The following EYA2 variants were observed in gnomAD, a reference collection of about 807,000 sequenced individuals.
The protein encoded by EYA2 is EYA transcriptional coactivator and phosphatase 2.
In EYA2, 31 loss-of-function variants were observed where a neutral mutation model predicts 69.2. The ratio of observed to expected loss-of-function variants is 0.45; its 90% CI spans 0.34 to 0.60. The LOEUF is 0.60. Among genes scored for constraint, EYA2 ranks in the 20% least tolerant of loss-of-function variants. EYA2 has a pLI of 0.02. For synonymous variants in EYA2, 257 were observed against 279.4 expected (o/e 0.92, Z 0.80); for missense variants, 622 against 701.2 (o/e 0.89, Z 1.28).
chr20:46,969,248 C>A (rs566958205), intron 1 of EYA2, among the ~76,000 whole-genome samples: 1 of 151,608 alleles, frequency 6.6e-6, no homozygotes, highest in Non-Finnish European at 1.5e-5. Flanking sequence ...GTTTTTTTGA[C>A]ACTTAGTCAC....
Position 47,188,174 on chromosome 20 carries a change from C to G in EYA2, c.*41C>G. ...CTCCACCTGCCATCTCACCCTCAGA[C>G]CCCCTCGCCTTCCCCACCTCCCCAC... On this transcript the variant is annotated 3_prime_UTR_variant, in exon 16 of 16. Coordinates refer to ENST00000327619, the MANE Select transcript of EYA2 (RefSeq NM_005244.5). 1.3e-6 allele frequency: 2 copies of G among 1,532,322 alleles called. No individual in the cohort carries two copies. Among genetic ancestry groups the G allele is most frequent in the South Asian group, 2.4e-5 (2 of 83,848 alleles). The allele number at this position is 1,532,322 out of a possible 1,614,324, so 94.9% of individuals were successfully genotyped here.
At position 47,180,012 on chromosome 20, in the gene EYA2, A is replaced by G. The variant is rs1363013522; in HGVS notation, c.1313+100A>G. On this transcript the variant is annotated intron_variant, in intron 13 of 15. Transcript: ENST00000327619. ...ACACTTGGGAGAATTGGACTCCTCA[A>G]ACTCTCACTTGTACACTTTCCAAAT... 7 of 803,932 alleles carry G rather than the reference A, an allele frequency of 8.7e-6. No homozygotes were observed. In the African/African-American group the frequency reaches 1.2e-4, roughly 14 times the overall value. The allele number at this position is 803,932 out of a possible 1,614,324, so 49.8% of individuals were successfully genotyped here. A position where few individuals can be genotyped will look rare whatever the true frequency, so the allele number is the denominator to read the frequency against.
intron 5 of EYA2, among the ~76,000 whole-genome samples, chr20:47,017,737 C>G (rs1256959418): frequency 6.6e-6 from 1 of 152,184 alleles, no homozygotes. Flanking sequence ...TTCTCTCATA[C>G]AACCTTCATG....
intron 1 of EYA2, among the ~76,000 whole-genome samples, chr20:46,904,929 C>T (rs1984281762): frequency 6.6e-6 from 1 of 152,170 alleles, no homozygotes; most frequent in African/African-American, 2.4e-5. Context: ...AGACAGTCCT[C>T]CTACTGCATA....
intron 1 of EYA2, among the ~76,000 whole-genome samples, chr20:46,987,916 G>GACTCTCTCTCCCCCTCTC (rs56288405): frequency 4.9e-5 from 1 of 20,352 alleles, no homozygotes; most frequent in Non-Finnish European, 9.6e-5. Context: ...GACAGAGTAA[G>GACTCTCTCTCCCCCTCTC]TCTCTCTCTC....
chr20:46,927,783 A>C (rs1440164088), intron 1 of EYA2, among the ~76,000 whole-genome samples: 2 of 152,152 alleles, frequency 1.3e-5, no homozygotes, highest in Non-Finnish European at 2.9e-5. Context: ...CTGCCCTCTT[A>C]CTAAACGTGT....
chr20:47,186,940 C>A (rs570535037), intron 15 of EYA2, among the ~76,000 whole-genome samples: 16 of 152,152 alleles, frequency 1.1e-4, no homozygotes, highest in African/African-American at 3.9e-4. Flanking sequence ...CTAGATATGT[C>A]CCTAGCTACT....
At chr20:47,042,644 CAGTT>C (rs1172869353) in intron 5 of EYA2, among the ~76,000 whole-genome samples, 1 of 152,200 alleles carries the variant, frequency 6.6e-6, no homozygotes, top group Admixed American at 6.5e-5. Context: ...CACGCATTAT[CAGTT>C]AGAGTTCATT....
intron 3 of EYA2, among the ~76,000 whole-genome samples, chr20:47,002,110 C>A (rs1319565639): frequency 6.6e-6 from 1 of 151,564 alleles, no homozygotes; most frequent in African/African-American, 2.4e-5. Context: ...CTCCCTTTTT[C>A]TCTTTCCCTT....
intron 5 of EYA2, among the ~76,000 whole-genome samples, chr20:47,058,772 C>T (rs1467897536): frequency 6.6e-6 from 1 of 152,152 alleles, no homozygotes; most frequent in African/African-American, 2.4e-5. Flanking sequence ...CCCAGGAATT[C>T]AGAGCTGTGG....
At chr20:47,082,243 C>G (rs145331505) in intron 7 of EYA2, among the ~76,000 whole-genome samples, 37 of 151,808 alleles carry the variant, frequency 2.4e-4, no homozygotes, top group African/African-American at 7.7e-4. Context: ...TAATTTTCAT[C>G]CAAAGATATG....
intron 7 of EYA2, among the ~76,000 whole-genome samples, chr20:47,082,215 CCAGA>C (rs1014888549): frequency 1.8e-4 from 27 of 151,332 alleles, no homozygotes; most frequent in African/African-American, 5.6e-4. Context: ...TCACTTTAAC[CCAGA>C]CAGTTAAATA....
chr20:47,081,265 C>G (rs2031702732), intron 7 of EYA2, among the ~76,000 whole-genome samples: 1 of 151,808 alleles, frequency 6.6e-6, no homozygotes, highest in Non-Finnish European at 1.5e-5. Context: ...GGACACAGAG[C>G]CAAACCCTAT....
chr20:46,920,252 C>A (rs1009544710), intron 1 of EYA2, among the ~76,000 whole-genome samples: 3 of 150,288 alleles, frequency 2.0e-5, no homozygotes, highest in African/African-American at 2.4e-5. Context: ...AAAACAGTAT[C>A]TGCAAAGTAC....
At chr20:47,011,478 G>C (rs1481949565) in intron 4 of EYA2, among the ~76,000 whole-genome samples, 1 of 152,036 alleles carries the variant, frequency 6.6e-6, no homozygotes, top group Non-Finnish European at 1.5e-5. Context: ...TCCCCACCTT[G>C]ATGATCTTTC....
At chr20:47,030,067 G>A (rs931675892) in intron 5 of EYA2, among the ~76,000 whole-genome samples, 6 of 152,228 alleles carry the variant, frequency 3.9e-5, no homozygotes, top group African/African-American at 2.4e-5. Context: ...GGGCAAGGCT[G>A]TCTTCCAAGA....
At chr20:47,080,960 T>C (rs1280347014) in intron 7 of EYA2, among the ~76,000 whole-genome samples, 1 of 152,184 alleles carries the variant, frequency 6.6e-6, no homozygotes, top group Non-Finnish European at 1.5e-5. Flanking sequence ...CTCGAACTCC[T>C]GGGCTCAAGC....
intron 1 of EYA2, among the ~76,000 whole-genome samples, chr20:46,920,951 C>T (rs1483643148): frequency 6.6e-6 from 1 of 152,364 alleles, no homozygotes; most frequent in Non-Finnish European, 1.5e-5. Context: ...TTTCCATTTT[C>T]TTAACCAATT....
chr20:47,154,819 T>TGTGTGTGTG (rs2033889072), intron 10 of EYA2, among the ~76,000 whole-genome samples: 1 of 140,794 alleles, frequency 7.1e-6, no homozygotes, highest in Non-Finnish European at 1.5e-5. Flanking sequence ...TTATTTTGTT[T>TGTGTGTGTG]TGTGTGTGTG....
Sources: allele counts gnomAD v4.1 joint callset (sites outside exome capture counted in the v4.1 genomes callset), GRCh38; gene constraint gnomAD v4.1.1; transcripts MANE v1.5; gene names NCBI Gene and HGNC (gene_info 2026-07-23, HGNC 2026-07-21).